The following TMEM43 variants were observed in gnomAD, a reference collection of about 807,000 sequenced individuals.
TMEM43 encodes the protein arrhythmogenic right ventricular dysplasia 5.
In TMEM43, 45 loss-of-function variants were observed where a neutral mutation model predicts 49.6. The observed-to-expected ratio is 0.91, with a 90% CI of 0.71 to 1.16. The LOEUF (loss-of-function observed/expected upper bound fraction) is 1.16, where lower values mean the gene tolerates loss of function less well. TMEM43 is among the 50% of genes most tolerant of loss of function. The probability of loss-of-function intolerance (pLI) is 0.00; values close to 1 mark genes in which losing one functional copy is unlikely to be tolerated. For synonymous variants in TMEM43, 199 were observed against 207.8 expected (o/e 0.96, Z 0.36); for missense variants, 532 against 516.6 (o/e 1.03, Z -0.29).
At chr3:14,132,808 G>A (rs1421690435) in intron 5 of TMEM43, 58 bp from the exon 6 acceptor site, 1 of 1,534,814 alleles carries the variant, frequency 6.5e-7, no homozygotes, top group Non-Finnish European at 9.0e-7. Context: ...TGGGCTGGTG[G>A]GTCTCAGCCG....
intron 1 of TMEM43, 83 bp from the exon 2 acceptor site, chr3:14,129,329 A>T: frequency 9.1e-7 from 1 of 1,101,350 alleles, no homozygotes; most frequent in Non-Finnish European, 1.2e-6. Context: ...AAAAAAAAAA[A>T]AAAAATTGAG....
At chr3:14,137,419 C>T (rs1695184305) in intron 10 of TMEM43, among the ~76,000 whole-genome samples, 1 of 152,174 alleles carries the variant, frequency 6.6e-6, no homozygotes, top group Non-Finnish European at 1.5e-5. Flanking sequence ...TAGGTAATGC[C>T]CCAGAAAGGA....
intron 1 of TMEM43, among the ~76,000 whole-genome samples, chr3:14,127,454 T>G (rs1000732027): frequency 6.6e-6 from 1 of 152,182 alleles, no homozygotes; most frequent in Non-Finnish European, 1.5e-5. Flanking sequence ...CAGCTCACAT[T>G]GTAGCCCAAG....
At chr3:14,132,621 C>T in intron 5 of TMEM43, 26 bp downstream of exon 5, 1 of 1,613,480 alleles carries the variant, frequency 6.2e-7, no homozygotes, top group Non-Finnish European at 8.5e-7. Context: ...CTTACGTGGT[C>T]TCTGCCCATG....
At position 14,141,697 on chromosome 3, in the gene TMEM43, C is replaced by T. The variant is rs144152046; in HGVS notation, c.1105C>T (p.Leu369Phe). Residue 369 changes from leucine to phenylalanine, a missense_variant, in exon 12 of 12, where the codon CTC becomes TTC. Leu to Phe is a conservative substitution (Grantham distance 22, BLOSUM62 0). Coordinates refer to ENST00000306077, the MANE Select transcript of TMEM43 (RefSeq NM_024334.3). ...CCTGCTGACCGTGGCGGCTGGCTGG[C>T]TCTTCTACCGACCCCTGTGGGCCCT... The part of the protein sequence containing the change: ...LTLLTVAAGW[L>F]FYRPLWALLI... 7.8e-5 allele frequency: 126 copies of T among 1,614,206 alleles called. No homozygotes were observed. In the African/African-American group the frequency reaches 1.3e-3, roughly 17 times the overall value.
intron 10 of TMEM43, among the ~76,000 whole-genome samples, chr3:14,138,164 A>G (rs977739309): frequency 6.6e-6 from 1 of 152,088 alleles, no homozygotes; most frequent in Admixed American, 6.6e-5. Flanking sequence ...AGCTCAAAAG[A>G]ATATGTAGGA....
At chr3:14,135,929 G>A (rs776056742) in intron 10 of TMEM43, 21 bp downstream of exon 10, 24 of 1,591,328 alleles carry the variant, frequency 1.5e-5, no homozygotes, top group East Asian at 4.5e-5. Context: ...TGCCCTACTC[G>A]TACGGTGGAG....
chr3:14,137,725 GC>G (rs1695188559), intron 10 of TMEM43: 1 of 152,298 alleles, frequency 6.6e-6, no homozygotes, highest in African/African-American at 2.4e-5. Context: ...TGATCTCTCA[GC>G]CTGTTTCCTC....
chr3:14,136,300 G>C (rs1391432159), intron 10 of TMEM43, among the ~76,000 whole-genome samples: 2 of 152,156 alleles, frequency 1.3e-5, no homozygotes, highest in Non-Finnish European at 1.5e-5. Context: ...TTGGATTTTG[G>C]AGCACTTCAG....
intron 2 of TMEM43, 100 bp from the exon 3 acceptor site, chr3:14,130,722 C>T (rs1276196571): frequency 2.6e-5 from 38 of 1,450,574 alleles, no homozygotes; most frequent in African/African-American, 1.1e-4. Context: ...TGGGTCTCAG[C>T]GCTCCCGGAG....
At chr3:14,127,761 C>A (rs1469757366) in intron 1 of TMEM43, among the ~76,000 whole-genome samples, 2 of 152,170 alleles carry the variant, frequency 1.3e-5, no homozygotes, top group African/African-American at 4.8e-5. Flanking sequence ...GTCAAGACGA[C>A]TTCTGGATTC....
intron 10 of TMEM43, among the ~76,000 whole-genome samples, chr3:14,138,194 CAGGCAATCGT>C (rs1559362804): frequency 6.6e-6 from 1 of 152,148 alleles, no homozygotes; most frequent in Non-Finnish European, 1.5e-5. Context: ...GGCATGACTG[CAGGCAATCGT>C]TGTAGGCAGA....
At chr3:14,132,669 T>C (rs1263413207) in intron 5 of TMEM43, 74 bp downstream of exon 5, 1 of 1,552,952 alleles carries the variant, frequency 6.4e-7, no homozygotes, top group Non-Finnish European at 8.9e-7. Context: ...GCAGGGCTGT[T>C]GGTGGGGCCA....
intron 11 of TMEM43, among the ~76,000 whole-genome samples, chr3:14,140,868 G>A (rs958781760): frequency 6.7e-6 from 1 of 149,342 alleles, no homozygotes; most frequent in African/African-American, 2.6e-5. Context: ...CAGGCATGGT[G>A]GGGCACCAGG....
In TMEM43 at chr3:14,142,378, TG is replaced by T. The variant is rs1695261683; in HGVS notation, c.*584del. The T allele has an allele frequency of 6.3e-6, 1 of 159,164 alleles. No individual in the cohort carries two copies. Among genetic ancestry groups the T allele is most frequent in the Non-Finnish European group, 1.4e-5 (1 of 71,462 alleles). 9.9% of individuals were successfully genotyped at this position (159,164 alleles called of 1,614,324 possible). On this transcript the variant is annotated 3_prime_UTR_variant, in exon 12 of 12. Transcript: ENST00000306077. ...GTGGTGTTTAAAAGAGAAGAAACAC[TG>T]AAGATGTCCTGAGGAGAAAAGCTGG...
rs373515736 is a variant in TMEM43, at chr3:14,141,819, A to G, written c.*24A>G. ...GAAAAGACCCTGGCACCCGCCCGAC[A>G]CCTGCGTGAGCCCTAGGATCCAGGT... is the stretch of plus-strand genomic sequence containing the variant. On this transcript the variant is annotated 3_prime_UTR_variant, in exon 12 of 12. Coordinates refer to ENST00000306077, the MANE Select transcript of TMEM43 (RefSeq NM_024334.3). 1 of 1,605,018 alleles carries G rather than the reference A, an allele frequency of 6.2e-7. No homozygotes were observed. Among genetic ancestry groups the G allele is most frequent in the African/African-American group, 1.3e-5 (1 of 74,740 alleles).
rs372265900 is a variant in TMEM43 at position 14,138,996 on chromosome 3, G to T, written c.883-184G>T. 6.0e-4 allele frequency among the ~76,000 whole-genome samples: 91 copies of T among 152,314 alleles called. 1 individual carries two copies. In the South Asian group the frequency reaches 0.017, roughly 29 times the overall value. ...ACGTTCCACAGAGATCTCATGCCTTGCCCTGTGCTCTGCCAGATGGGCAGA... is the reference window on the plus strand; with the variant it reads ...ACGTTCCACAGAGATCTCATGCCTTTCCCTGTGCTCTGCCAGATGGGCAGA... On this transcript the variant is annotated intron_variant, in intron 10 of 11. Coordinates refer to ENST00000306077, the MANE Select transcript of TMEM43 (RefSeq NM_024334.3).
At position 14,143,560 on chromosome 3, in the gene TMEM43, C is replaced by G. The variant is rs940796338; in HGVS notation, c.*1765C>G. Reference sequence around the variant, plus strand: ...AGTAAGGATTTTAAATAACTGCCGACTTCAAAAGTGTTCTTAAAACGAAAG... The same window carrying G: ...AGTAAGGATTTTAAATAACTGCCGAGTTCAAAAGTGTTCTTAAAACGAAAG... On this transcript the variant is annotated 3_prime_UTR_variant, in exon 12 of 12. Transcript: ENST00000306077. 1.3e-5 allele frequency: 2 copies of G among 152,152 alleles called. No individual in the cohort carries two copies. The highest frequency in any genetic ancestry group is 2.9e-5 in the Non-Finnish European group (2 of 68,028). 9.4% of individuals were successfully genotyped at this position (152,152 alleles called of 1,614,324 possible).
rs1695220650 is a variant in TMEM43 at position 14,139,435 on chromosome 3, C to T, written c.1000+138C>T. ...CAGGCATTTGGCTCATCTCTGTGTC[C>T]CCGCTCCATAGCCTTGGGATGAGGG... On this transcript the variant is annotated intron_variant, in intron 11 of 11. Transcript: ENST00000306077. 4 of 722,144 alleles carry T rather than the reference C, an allele frequency of 5.5e-6. No individual in the cohort carries two copies. The South Asian group carries it at 6.1e-5, about 11-fold the overall frequency. The allele number at this position is 722,144 out of a possible 1,614,324, so 44.7% of individuals were successfully genotyped here. A position where few individuals can be genotyped will look rare whatever the true frequency, so the allele number is the denominator to read the frequency against.
Sources: allele counts gnomAD v4.1 joint callset (sites outside exome capture counted in the v4.1 genomes callset), GRCh38; gene constraint gnomAD v4.1.1; transcripts MANE v1.5; gene names NCBI Gene and HGNC (gene_info 2026-07-23, HGNC 2026-07-21).